Variants in TAF1C observed in about 807,000 individuals in gnomAD.
TAF1C encodes the protein TATA box-binding protein-associated factor RNA polymerase I subunit C.
In TAF1C, 79 loss-of-function variants were observed where a neutral mutation model predicts 70.5. That is an observed-to-expected ratio of 1.12 (90% CI 0.93 to 1.35). The LOEUF is 1.35. Ranked by LOEUF, TAF1C falls within the 40% of genes most tolerant of loss-of-function variation. The probability of loss-of-function intolerance (pLI) is 0.00; values close to 1 mark genes in which losing one functional copy is unlikely to be tolerated. For missense variants in TAF1C, 1,412 were observed against 1,127.8 expected (o/e 1.25, Z -3.61); for synonymous variants, 614 against 491.1 (o/e 1.25, Z -3.31).
chr16:84,181,582 G>T lies in TAF1C; in HGVS notation c.1028+10C>A. 1.2e-6 allele frequency: 2 copies of T among 1,613,956 alleles called. No homozygotes were observed. The highest frequency in any genetic ancestry group is 1.7e-6 in the Non-Finnish European group (2 of 1,179,978). The stretch of plus-strand genomic sequence containing the variant: ...GTTAGGGTGGGGGGTTTCACAGGAA[G>T]CGGCGATACCCATCCTCAGGGCTCC... On this transcript the variant is annotated intron_variant, in intron 10 of 14. Transcript: ENST00000566732.
chr16:84,183,035 G>C (rs779296386), intron 6 of TAF1C, 41 bp downstream of exon 6: 1 of 1,604,896 alleles, frequency 6.2e-7, no homozygotes, highest in Non-Finnish European at 8.5e-7. Flanking sequence ...CCCACCACCA[G>C]CTATGCCTAT....
rs4150142 is a variant in TAF1C at position 84,182,764 on chromosome 16, T to G, written c.482+312A>C. On this transcript the variant is annotated intron_variant, in intron 6 of 14. Transcript: ENST00000566732. This position sits in a 1 kb window ranked among gnomAD's most constrained non-coding sequence, Gnocchi z 5.0. ...TTCCTTAGATCATAAGCCATCTTGC[T>G]GCTACCTAGAGACAGCCTGTCTAGG... Among the ~76,000 whole-genome samples, 4 of 152,222 alleles carry G rather than the reference T, an allele frequency of 2.6e-5. No homozygotes were observed. Among genetic ancestry groups the G allele is most frequent in the Admixed American group, 1.3e-4 (2 of 15,276 alleles).
rs774130413 is a variant in TAF1C, at chr16:84,180,216, C to T, written c.1437G>A (p.Leu479=). 1.6e-5 allele frequency: 24 copies of T among 1,538,998 alleles called. No individual in the cohort carries two copies. The highest frequency in any genetic ancestry group is 2.1e-5 in the Non-Finnish European group (24 of 1,149,202). Residue 479 remains leucine (L), a synonymous_variant, in exon 13 of 15, where the codon CTG becomes CTA. Coordinates refer to ENST00000566732, the MANE Select transcript of TAF1C (RefSeq NM_001243156.2). The part of the protein sequence containing the change: ...PPPRPSCVQP[L]LLGGQGGQLQ... ...GCTGCCCACCCTGGCCTCCGAGGAG[C>T]AGGGGCTGCACGCAGCTGGGCCGGG...
At position 84,182,400 on chromosome 16, in the gene TAF1C, A is replaced by G; in HGVS notation, c.523T>C (p.Ser175Pro). ...CCCAGGATGGGGCCCCCGAGGATAG[A>G]GAAGCGGCGCTGTCGGTTGCTGAGG... ...AYLSNRQRRFSILGGPILGTS... is the reference protein window; with the variant it reads ...AYLSNRQRRFPILGGPILGTS... Residue 175 changes from serine (S) to proline (P), a missense_variant, in exon 7 of 15, where the codon TCT (serine) becomes CCT (proline). By Grantham distance (74) the Ser-to-Pro change is moderately conservative. Coordinates refer to ENST00000566732, the MANE Select transcript of TAF1C (RefSeq NM_001243156.2). The surrounding 1 kb of genome is among the most constrained non-coding windows in gnomAD (Gnocchi z 5.0). 6.2e-7 allele frequency: 1 copy of G among 1,606,094 alleles called. No individual in the cohort carries two copies. The highest frequency in any genetic ancestry group is 8.5e-7 in the Non-Finnish European group (1 of 1,177,864).
chr16:84,180,092 G>T lies in TAF1C; in HGVS notation c.1484-9C>A, dbSNP rs751186288. The T allele has an allele frequency of 5.0e-6, 8 of 1,589,138 alleles. No homozygotes were observed. The highest frequency in any genetic ancestry group is 8.5e-7 in the Non-Finnish European group (1 of 1,169,978). ...CACCGACGCCCCTTCTCCTGAGGAA[G>T]GACAGACAGCTGAGGCCCTGTCCAG... is the stretch of plus-strand genomic sequence containing the variant. On this transcript the variant is annotated splice_polypyrimidine_tract_variant and intron_variant, in intron 13 of 14. Transcript: ENST00000566732.
At chr16:84,184,400 G>C (rs1308667450) in intron 2 of TAF1C, among the ~76,000 whole-genome samples, 1 of 152,192 alleles carries the variant, frequency 6.6e-6, no homozygotes, top group Non-Finnish European at 1.5e-5. Flanking sequence ...CTAGGCGGCT[G>C]AGGATTCCAA....
At position 84,182,648 on chromosome 16, in the gene TAF1C, G is replaced by C. The variant is rs903750645; in HGVS notation, c.483-208C>G. Among the ~76,000 whole-genome samples, 1 of 152,228 alleles carries C rather than the reference G, an allele frequency of 6.6e-6. No individual in the cohort carries two copies. The highest frequency in any genetic ancestry group is 2.4e-5 in the African/African-American group (1 of 41,462). On this transcript the variant is annotated intron_variant, in intron 6 of 14. Coordinates refer to ENST00000566732, the MANE Select transcript of TAF1C (RefSeq NM_001243156.2). The surrounding 1 kb of genome is among the most constrained non-coding windows in gnomAD (Gnocchi z 5.0). ...ACAATATTCCATTGCCCTTGCCACA[G>C]TGACTGGTTCACAGATGGGTGTGAG...
rs2088851863 is a variant in TAF1C at position 84,178,206 on chromosome 16, CA to C, written c.*734del. On this transcript the variant is annotated 3_prime_UTR_variant, in exon 15 of 15. Transcript: ENST00000566732. Reference sequence around the variant, plus strand: ...TGTGAGGCACAACAGAGAATTCCCCCAAACTGACATGACCGTGACCCTCTGC... The same window carrying C: ...TGTGAGGCACAACAGAGAATTCCCCCAACTGACATGACCGTGACCCTCTGC... 2.5e-6 allele frequency: 1 copy of C among 392,288 alleles called. No homozygotes were observed. The highest frequency in any genetic ancestry group is 1.9e-5 in the South Asian group (1 of 51,936). 24.3% of individuals were successfully genotyped at this position (392,288 alleles called of 1,614,324 possible).
Position 84,178,439 on chromosome 16 carries a change from A to G in TAF1C, c.*502T>C, listed in dbSNP as rs915122443. The G allele has an allele frequency of 1.3e-5, 6 of 458,052 alleles. No individual in the cohort carries two copies. The highest frequency in any genetic ancestry group is 1.0e-4 in the African/African-American group (5 of 50,164). 28.4% of individuals were successfully genotyped at this position (458,052 alleles called of 1,614,324 possible). ...ACCTGGATCCAAGGCATCTCCCTGTAGGAAACATCAGACCGGGGCAGAGAT... is the reference window on the plus strand; with the variant it reads ...ACCTGGATCCAAGGCATCTCCCTGTGGGAAACATCAGACCGGGGCAGAGAT... On this transcript the variant is annotated 3_prime_UTR_variant, in exon 15 of 15. Coordinates refer to ENST00000566732, the MANE Select transcript of TAF1C (RefSeq NM_001243156.2).
In TAF1C at chr16:84,181,484, G is replaced by A. The variant is rs4150150; in HGVS notation, c.1029-21C>T. 1,995 of 1,613,702 alleles carry A rather than the reference G, an allele frequency of 1.2e-3. 18 individuals are homozygous for A. The African/African-American group carries it at 0.019, about 15-fold the overall frequency. On this transcript the variant is annotated intron_variant, in intron 10 of 14. Coordinates refer to ENST00000566732, the MANE Select transcript of TAF1C (RefSeq NM_001243156.2). ...GCAGCCTTGGGGAGACAGGCAAGCCGTGGGCAGGGGGACAGGCTGATGGGG... is the reference window on the plus strand; with the variant it reads ...GCAGCCTTGGGGAGACAGGCAAGCCATGGGCAGGGGGACAGGCTGATGGGG...
rs962262017 is a variant in TAF1C, at chr16:84,178,152, A to C, written c.*789T>G. 2.6e-6 allele frequency: 1 copy of C among 385,980 alleles called. No homozygotes were observed. Among genetic ancestry groups the C allele is most frequent in the Non-Finnish European group, 5.0e-6 (1 of 199,374 alleles). The allele number at this position is 385,980 out of a possible 1,614,324, so 23.9% of individuals were successfully genotyped here. Reference sequence around the variant, plus strand: ...TGATGCTTTAGACATCAAAATGAGAAGGGGAGGGAGGAAAGAAAGGGGGGA... The same window carrying C: ...TGATGCTTTAGACATCAAAATGAGACGGGGAGGGAGGAAAGAAAGGGGGGA... On this transcript the variant is annotated 3_prime_UTR_variant, in exon 15 of 15. Transcript: ENST00000566732.
intron 1 of TAF1C, among the ~76,000 whole-genome samples, chr16:84,185,841 G>C (rs551423172): frequency 6.6e-6 from 1 of 152,126 alleles, no homozygotes; most frequent in Admixed American, 6.5e-5. Flanking sequence ...CGGAGGTTGC[G>C]GTGAGCTGAG....
chr16:84,182,438 C>T lies in TAF1C; in HGVS notation c.485G>A (p.Cys162Tyr). ...TCGGTTGCTGAGGTAAGCCCAGGGACACCTGGGGACCAGAGAACAGCAGGA... is the reference window on the plus strand; with the variant it reads ...TCGGTTGCTGAGGTAAGCCCAGGGATACCTGGGGACCAGAGAACAGCAGGA... ...QDLGGHQPWG[C>Y]PWAYLSNRQR... Residue 162 changes from cysteine (C) to tyrosine (Y), a missense_variant and splice_region_variant, in exon 7 of 15, where the codon TGT becomes TAT. Cys to Tyr is a radical substitution (Grantham distance 194, BLOSUM62 -2). Transcript: ENST00000566732. This position sits in a 1 kb window ranked among gnomAD's most constrained non-coding sequence, Gnocchi z 5.0. 4.4e-6 allele frequency: 7 copies of T among 1,599,488 alleles called. No individual in the cohort carries two copies. The highest frequency in any genetic ancestry group is 1.7e-5 in the Admixed American group (1 of 58,866).
intron 1 of TAF1C, 75 bp from the exon 2 acceptor site, chr16:84,185,135 C>A: frequency 5.1e-6 from 5 of 974,418 alleles, no homozygotes; most frequent in Non-Finnish European, 5.9e-6. Flanking sequence ...AATATGTAGC[C>A]CAAGGCCAAG....
chr16:84,178,539 C>G lies in TAF1C; in HGVS notation c.*402G>C, dbSNP rs981923663. 16 of 452,706 alleles carry G rather than the reference C, an allele frequency of 3.5e-5. No homozygotes were observed. The highest frequency in any genetic ancestry group is 3.0e-4 in the African/African-American group (15 of 50,158). 28.0% of individuals were successfully genotyped at this position (452,706 alleles called of 1,614,324 possible). On this transcript the variant is annotated 3_prime_UTR_variant, in exon 15 of 15. Coordinates refer to ENST00000566732, the MANE Select transcript of TAF1C (RefSeq NM_001243156.2). ...CATCAGCAGCTCTGCAGGGGCCTCA[C>G]TCCACCCTCACCAAACACGAGGAGC...
In TAF1C at chr16:84,182,564, AC is replaced by A; in HGVS notation, c.483-125del. Reference sequence around the variant, plus strand: ...TACCTAGAATTTCTTCCTTTGGGAGACCACCCCATCCTGTTCCCATGCCCCG... The same window carrying A: ...TACCTAGAATTTCTTCCTTTGGGAGACACCCCATCCTGTTCCCATGCCCCG... On this transcript the variant is annotated intron_variant, in intron 6 of 14. Coordinates refer to ENST00000566732, the MANE Select transcript of TAF1C (RefSeq NM_001243156.2). This position sits in a 1 kb window ranked among gnomAD's most constrained non-coding sequence, Gnocchi z 5.0. The A allele has an allele frequency of 1.1e-6, 1 of 917,352 alleles. No homozygotes were observed. Among genetic ancestry groups the A allele is most frequent in the South Asian group, 1.7e-5 (1 of 58,342 alleles). 56.8% of individuals were successfully genotyped at this position (917,352 alleles called of 1,614,324 possible).
rs2088892731 is a variant in TAF1C, at chr16:84,178,768, T to C, written c.*173A>G. 3 of 650,716 alleles carry C rather than the reference T, an allele frequency of 4.6e-6. No individual in the cohort carries two copies. The highest frequency in any genetic ancestry group is 7.8e-6 in the Non-Finnish European group (3 of 386,358). The allele number at this position is 650,716 out of a possible 1,614,324, so 40.3% of individuals were successfully genotyped here. Reference sequence around the variant, plus strand: ...CAAAATACAAAAGAAACTACTACTGTATTTTGTTGCCCTGTCCCTTCAACT... The same window carrying C: ...CAAAATACAAAAGAAACTACTACTGCATTTTGTTGCCCTGTCCCTTCAACT... On this transcript the variant is annotated 3_prime_UTR_variant, in exon 15 of 15. Coordinates refer to ENST00000566732, the MANE Select transcript of TAF1C (RefSeq NM_001243156.2).
rs1474770845 is a variant in TAF1C at position 84,180,328 on chromosome 16, A to G, written c.1325T>C (p.Val442Ala). The G allele has an allele frequency of 7.8e-6, 12 of 1,544,910 alleles. No individual in the cohort carries two copies. Among genetic ancestry groups the G allele is most frequent in the South Asian group, 2.4e-5 (2 of 83,952 alleles). Residue 442 changes from valine (V) to alanine (A), a missense_variant, in exon 13 of 15, where the codon GTG becomes GCG. Val to Ala is a moderately conservative substitution (Grantham distance 64). Coordinates refer to ENST00000566732, the MANE Select transcript of TAF1C (RefSeq NM_001243156.2). ...CGGCACCAGGGGAAGGCGCTCGTCC[A>G]CTAGGTAGAGAGAGAACTGGGGCCC... ...LVCTQFSLYL[V>A]DERLPLVPML...
chr16:84,185,218 G>C, intron 1 of TAF1C, 158 bp from the exon 2 acceptor site: 1 of 445,718 alleles, frequency 2.2e-6, no homozygotes, highest in South Asian at 4.0e-5. Flanking sequence ...TGAGGGCGTG[G>C]TTTCAGCAAA....
Sources: gnomAD v4.1 joint callset for allele counts (sites outside exome capture counted in the v4.1 genomes callset) on GRCh38, gnomAD v4.1.1 for gene constraint, Gnocchi (gnomAD v3.1) non-coding constraint, MANE v1.5 for transcripts, NCBI Gene and HGNC (gene_info 2026-07-23, HGNC 2026-07-21) for gene names.